Variants in SGCZ observed in about 807,000 individuals in gnomAD.
The protein encoded by SGCZ is sarcoglycan zeta, also known as zeta-sarcoglycan.
In SGCZ, 40 loss-of-function variants were observed where a neutral mutation model predicts 41.3. The ratio of observed to expected loss-of-function variants is 0.97; its 90% CI spans 0.75 to 1.26. The LOEUF (loss-of-function observed/expected upper bound fraction) is 1.26, where lower values mean the gene tolerates loss of function less well. Ranked by LOEUF, SGCZ falls within the 50% of genes most tolerant of loss-of-function variation. SGCZ has a pLI of 0.00. For missense variants in SGCZ, 552 were observed against 369.8 expected (o/e 1.49, Z -4.04); for synonymous variants, 206 against 137.5 (o/e 1.50, Z -3.49).
chr8:14,277,122 C>T (rs1800264566), intron 3 of SGCZ, among the ~76,000 whole-genome samples: 1 of 152,168 alleles, frequency 6.6e-6, no homozygotes, highest in Non-Finnish European at 1.5e-5. Context: ...AATAACATAA[C>T]TATTTCTGGT....
Position 14,993,802 on chromosome 8 carries a change from A to C in SGCZ, c.39+243783T>G, listed in dbSNP as rs985925229. Among the ~76,000 whole-genome samples the C allele has an allele frequency of 7.2e-5, 11 of 152,336 alleles. No homozygotes were observed. In the East Asian group the frequency reaches 2.1e-3, roughly 29 times the overall value. The stretch of plus-strand genomic sequence containing the variant: ...GGTCAATGTTAACAGACGCAAGATA[A>C]GGTAGGGATTTATGGGCCTCTGTTG... On this transcript the variant is annotated intron_variant, in intron 1 of 7. Transcript: ENST00000382080.
chr8:14,992,168 A>C (rs982177217), intron 1 of SGCZ, among the ~76,000 whole-genome samples: 2 of 150,478 alleles, frequency 1.3e-5, no homozygotes, highest in African/African-American at 4.9e-5. Flanking sequence ...ATCCTCATCT[A>C]ATCTACTCCC....
At chr8:14,403,687 C>T (rs1387968193) in intron 2 of SGCZ, among the ~76,000 whole-genome samples, 1 of 152,096 alleles carries the variant, frequency 6.6e-6, no homozygotes, top group African/African-American at 2.4e-5. Flanking sequence ...CAGTATTTCT[C>T]ACAGTATTAT....
intron 1 of SGCZ, among the ~76,000 whole-genome samples, chr8:14,778,133 G>T (rs1021407179): frequency 6.6e-6 from 1 of 151,946 alleles, no homozygotes; most frequent in Non-Finnish European, 1.5e-5. Context: ...TCAACTGATT[G>T]TCCCGGCTAG....
intron 3 of SGCZ, among the ~76,000 whole-genome samples, chr8:14,261,195 C>T (rs1409207005): frequency 1.3e-5 from 2 of 152,174 alleles, no homozygotes; most frequent in African/African-American, 4.8e-5. Context: ...AAACAACTTT[C>T]TTTCCCTTGC....
At chr8:14,938,528 A>G (rs1800159638) in intron 1 of SGCZ, among the ~76,000 whole-genome samples, 1 of 152,192 alleles carries the variant, frequency 6.6e-6, no homozygotes, top group Admixed American at 6.5e-5. Flanking sequence ...CTTTATTATA[A>G]GAACACAGTA....
Position 14,845,762 on chromosome 8 carries a change from G to A in SGCZ, c.40-290836C>T, listed in dbSNP as rs540837421. Among the ~76,000 whole-genome samples, 19 of 152,154 alleles carry A rather than the reference G, an allele frequency of 1.2e-4. No individual in the cohort carries two copies. The South Asian group carries it at 3.9e-3, about 32-fold the overall frequency. Reference sequence around the variant, plus strand: ...AGAAAAGACTAGTGAACTTACAGGTGCAGTAATAAAAATATCCAGATAAAA... The same window carrying A: ...AGAAAAGACTAGTGAACTTACAGGTACAGTAATAAAAATATCCAGATAAAA... On this transcript the variant is annotated intron_variant, in intron 1 of 7. Transcript: ENST00000382080.
intron 1 of SGCZ, among the ~76,000 whole-genome samples, chr8:14,594,964 C>G (rs1805361137): frequency 6.6e-6 from 1 of 151,858 alleles, no homozygotes; most frequent in Non-Finnish European, 1.5e-5. Context: ...GGAGAAATTT[C>G]CATATCCTAA....
chr8:15,111,976 C>T (rs1807082981), intron 1 of SGCZ, among the ~76,000 whole-genome samples: 1 of 151,706 alleles, frequency 6.6e-6, no homozygotes, highest in African/African-American at 2.4e-5. Flanking sequence ...GCGTTTTGTT[C>T]AATTCTTTGT....
intron 1 of SGCZ, chr8:14,690,592 A>G (rs1053730974): frequency 6.6e-6 from 1 of 152,224 alleles, no homozygotes; most frequent in Admixed American, 6.5e-5. Context: ...ACAAAGAAGC[A>G]TTCAAGAAAA....
intron 2 of SGCZ, among the ~76,000 whole-genome samples, chr8:14,546,867 C>T (rs898732746): frequency 6.6e-6 from 1 of 151,882 alleles, no homozygotes; most frequent in African/African-American, 2.4e-5. Context: ...ACTATACAAC[C>T]CATGCTTTTA....
intron 2 of SGCZ, among the ~76,000 whole-genome samples, chr8:14,500,289 C>A (rs975408259): frequency 1.3e-5 from 2 of 151,992 alleles, no homozygotes; most frequent in African/African-American, 2.4e-5. Flanking sequence ...GTTGTTGTTA[C>A]AATCTCAGTT....
chr8:14,182,170 G>A (rs931629341), intron 4 of SGCZ, among the ~76,000 whole-genome samples: 1 of 152,110 alleles, frequency 6.6e-6, no homozygotes, highest in Non-Finnish European at 1.5e-5. Context: ...AAAATTGGGG[G>A]AAAGAATGCA....
At chr8:15,218,051 T>C (rs1437438284) in intron 1 of SGCZ, among the ~76,000 whole-genome samples, 2 of 152,190 alleles carry the variant, frequency 1.3e-5, no homozygotes, top group African/African-American at 2.4e-5. Flanking sequence ...ATGCAATAAA[T>C]TCTATGTAAA....
intron 1 of SGCZ, among the ~76,000 whole-genome samples, chr8:14,834,292 C>T (rs1165691575): frequency 6.6e-6 from 1 of 151,978 alleles, no homozygotes; most frequent in Non-Finnish European, 1.5e-5. Context: ...TGAGCTTAGC[C>T]ATTTTATTCA....
intron 1 of SGCZ, among the ~76,000 whole-genome samples, chr8:14,898,104 TA>T (rs78313051): frequency 0.046 from 6,682 of 144,818 alleles, 359 homozygotes; most frequent in African/African-American, 0.13. Context: ...ATTATAAACT[TA>T]AAAAAAAAAA....
At chr8:14,692,531 T>G (rs1395953800) in intron 1 of SGCZ, among the ~76,000 whole-genome samples, 1 of 152,200 alleles carries the variant, frequency 6.6e-6, no homozygotes, top group African/African-American at 2.4e-5. Flanking sequence ...ATATTCTTGT[T>G]GTACACATTC....
chr8:14,319,762 C>A (rs531945722), intron 3 of SGCZ, among the ~76,000 whole-genome samples: 385 of 151,992 alleles, frequency 2.5e-3, no homozygotes, highest in Non-Finnish European at 3.9e-3. Context: ...TAATTATCAA[C>A]AAACTGGAAA....
At chr8:14,590,061 C>T (rs998431220) in intron 1 of SGCZ, among the ~76,000 whole-genome samples, 2 of 151,868 alleles carry the variant, frequency 1.3e-5, no homozygotes, top group Non-Finnish European at 2.9e-5. Flanking sequence ...TATGTGTGTA[C>T]AGTAGTAAGA....
Sources: gnomAD v4.1 joint callset for allele counts (sites outside exome capture counted in the v4.1 genomes callset) on GRCh38, gnomAD v4.1.1 for gene constraint, MANE v1.5 for transcripts, NCBI Gene and HGNC (gene_info 2026-07-23, HGNC 2026-07-21) for gene names.